The following SPOCK3 variants were observed in gnomAD, a reference collection of about 807,000 sequenced individuals.
The protein encoded by SPOCK3 is testican-3.
SPOCK3 carries 30 observed loss-of-function variants against 56.6 expected under a neutral mutation model. The observed-to-expected ratio is 0.53, with a 90% CI of 0.40 to 0.72. The LOEUF is 0.72. Among genes scored for constraint, SPOCK3 ranks in the 30% least tolerant of loss-of-function variants. The probability of loss-of-function intolerance (pLI) is 0.00; values close to 1 mark genes in which losing one functional copy is unlikely to be tolerated. For missense variants in SPOCK3, 527 were observed against 530.0 expected, an observed-to-expected ratio of 0.99 and a Z score of 0.06; for synonymous variants, 196 against 183.3, an observed-to-expected ratio of 1.07 and a Z score of -0.56.
chr4:166,764,307 A>G (rs895277836), intron 7 of SPOCK3, among the ~76,000 whole-genome samples: 12 of 152,054 alleles, frequency 7.9e-5, no homozygotes, highest in African/African-American at 2.9e-4. Context: ...CGTCATTTAC[A>G]TTGGGTATAT....
intron 2 of SPOCK3, chr4:167,083,348 T>C: frequency 1.3e-6 from 1 of 762,822 alleles, no homozygotes; most frequent in East Asian, 2.4e-5. Flanking sequence ...ATGTGCATTC[T>C]CTCTTGCTGC....
intron 4 of SPOCK3, among the ~76,000 whole-genome samples, chr4:166,919,863 T>C (rs747047705): frequency 6.6e-5 from 10 of 152,150 alleles, no homozygotes; most frequent in Non-Finnish European, 1.2e-4. Context: ...TAGAAAGTTA[T>C]TTTTTCTTTT....
intron 7 of SPOCK3, among the ~76,000 whole-genome samples, chr4:166,771,003 T>C (rs577086106): frequency 2.0e-5 from 3 of 149,626 alleles, no homozygotes; most frequent in African/African-American, 7.3e-5. Context: ...TAATACTATA[T>C]ATACAATGCT....
At chr4:166,764,090 C>T (rs1737619112) in intron 7 of SPOCK3, among the ~76,000 whole-genome samples, 1 of 152,056 alleles carries the variant, frequency 6.6e-6, no homozygotes, top group South Asian at 2.1e-4. Context: ...ACCTAGCCAC[C>T]ATCCATACTT....
intron 3 of SPOCK3, among the ~76,000 whole-genome samples, chr4:167,060,569 C>T (rs1310699581): frequency 6.6e-6 from 1 of 152,052 alleles, no homozygotes; most frequent in Non-Finnish European, 1.5e-5. Flanking sequence ...AACTTTCTTA[C>T]ATGTTTATCA....
chr4:167,194,779 C>A (rs1732782640), intron 2 of SPOCK3, among the ~76,000 whole-genome samples: 1 of 152,112 alleles, frequency 6.6e-6, no homozygotes, highest in South Asian at 2.1e-4. Flanking sequence ...TCTCCAGGAC[C>A]TTGGCCAGTA....
At chr4:167,160,338 T>C (rs903646122) in intron 2 of SPOCK3, among the ~76,000 whole-genome samples, 1 of 152,066 alleles carries the variant, frequency 6.6e-6, no homozygotes, top group Non-Finnish European at 1.5e-5. Context: ...TTAAAAGGGA[T>C]GTGAAGGACC....
chr4:167,138,944 TTAAAG>T (rs1763321862), intron 2 of SPOCK3, among the ~76,000 whole-genome samples: 1 of 152,000 alleles, frequency 6.6e-6, no homozygotes, highest in Non-Finnish European at 1.5e-5. Context: ...TGATTTATCA[TTAAAG>T]TAATTCATTA....
chr4:167,145,448 T>C (rs987154528), intron 2 of SPOCK3, among the ~76,000 whole-genome samples: 1 of 151,956 alleles, frequency 6.6e-6, no homozygotes, highest in Non-Finnish European at 1.5e-5. Flanking sequence ...CTGATCAGGG[T>C]CACCAAGGAA....
chr4:166,931,951 C>T (rs1739837569), intron 4 of SPOCK3, among the ~76,000 whole-genome samples: 1 of 152,104 alleles, frequency 6.6e-6, no homozygotes, highest in Non-Finnish European at 1.5e-5. Flanking sequence ...GACACTTCTC[C>T]TGTGTCCTAC....
intron 6 of SPOCK3, among the ~76,000 whole-genome samples, chr4:166,855,678 G>GT (rs2126887898): frequency 6.6e-6 from 1 of 152,242 alleles, no homozygotes; most frequent in South Asian, 2.1e-4. Flanking sequence ...TTAACTTGTA[G>GT]TTTATGCATC....
intron 2 of SPOCK3, among the ~76,000 whole-genome samples, chr4:167,221,379 A>G (rs547044725): frequency 6.6e-6 from 1 of 152,000 alleles, no homozygotes; most frequent in Non-Finnish European, 1.5e-5. Context: ...TAAAAAATAA[A>G]TAATATAATA....
chr4:166,871,110 T>C (rs1380370953), intron 6 of SPOCK3, among the ~76,000 whole-genome samples: 2 of 152,058 alleles, frequency 1.3e-5, no homozygotes, highest in South Asian at 4.1e-4. Flanking sequence ...CATTTCTTTA[T>C]AGCAGTGTGA....
chr4:167,212,500 CA>C (rs1386792077), intron 2 of SPOCK3, among the ~76,000 whole-genome samples: 1 of 152,066 alleles, frequency 6.6e-6, no homozygotes, highest in African/African-American at 2.4e-5. Flanking sequence ...CTCGGCCTCC[CA>C]AAGTGCTGGG....
chr4:167,211,657 G>A (rs1734889689), intron 2 of SPOCK3, among the ~76,000 whole-genome samples: 2 of 152,178 alleles, frequency 1.3e-5, no homozygotes, highest in Non-Finnish European at 2.9e-5. Flanking sequence ...GCCACCATGT[G>A]AGACATGCCT....
In SPOCK3 at chr4:166,951,121, C is replaced by G. The variant is rs566736799; in HGVS notation, c.351-38378G>C. Among the ~76,000 whole-genome samples, 9 of 143,950 alleles carry G rather than the reference C, an allele frequency of 6.3e-5. No individual in the cohort carries two copies. The East Asian group carries it at 1.4e-3, about 22-fold the overall frequency. The allele number at this position is 143,950 out of a possible 152,430, so 94.4% of individuals were successfully genotyped here. A position where few individuals can be genotyped will look rare whatever the true frequency, so the allele number is the denominator to read the frequency against. On this transcript the variant is annotated intron_variant, in intron 4 of 10. Transcript: ENST00000357545. The stretch of plus-strand genomic sequence containing the variant: ...TGAAGGAAATAGAGACACAAAAAAC[C>G]CTTCAGAAAATTAATGAATCCAGGA...
In SPOCK3 at chr4:166,893,546, T is replaced by A. The variant is rs527996322; in HGVS notation, c.475-4302A>T. 3.3e-5 allele frequency among the ~76,000 whole-genome samples: 5 copies of A among 152,168 alleles called. No homozygotes were observed. The South Asian group carries it at 1.0e-3, about 32-fold the overall frequency. ...AAACAAGACATATTTTTACAATAAATTTTTCAAGTGAAGTTTAGAGAGCTT... is the reference window on the plus strand; with the variant it reads ...AAACAAGACATATTTTTACAATAAAATTTTCAAGTGAAGTTTAGAGAGCTT... On this transcript the variant is annotated intron_variant, in intron 5 of 10. Coordinates refer to ENST00000357545, the MANE Select transcript of SPOCK3 (RefSeq NM_001040159.2).
chr4:166,896,446 C>T (rs1168016071), intron 5 of SPOCK3, among the ~76,000 whole-genome samples: 4 of 152,078 alleles, frequency 2.6e-5, no homozygotes, highest in Non-Finnish European at 5.9e-5. Context: ...AAGCTTTGGG[C>T]CTGCCTGGGG....
chr4:167,051,959 A>T (rs1205803610), intron 3 of SPOCK3, among the ~76,000 whole-genome samples: 2 of 152,228 alleles, frequency 1.3e-5, no homozygotes, highest in Non-Finnish European at 2.9e-5. Flanking sequence ...TTAATAACAT[A>T]TAAGGAAACG....
Sources: allele counts gnomAD v4.1 joint callset (sites outside exome capture counted in the v4.1 genomes callset), GRCh38; gene constraint gnomAD v4.1.1; transcripts MANE v1.5; gene names NCBI Gene and HGNC (gene_info 2026-07-23, HGNC 2026-07-21).